The following PRKCE variants were observed in gnomAD, a reference collection of about 807,000 sequenced individuals.
PRKCE encodes the protein protein kinase C epsilon.
A neutral mutation model predicts 85.4 loss-of-function variants in PRKCE; 16 were observed. The observed-to-expected ratio is 0.19, with a 90% CI of 0.13 to 0.28. The LOEUF is 0.28. PRKCE is among the 10% of genes least tolerant of loss of function. PRKCE has a pLI of 1.00. For missense variants in PRKCE, 573 were observed against 975.2 expected (o/e 0.59, Z 5.49); for synonymous variants, 388 against 371.5 (o/e 1.04, Z -0.51).
intron 1 of PRKCE, among the ~76,000 whole-genome samples, chr2:45,717,671 T>G (rs1011096141): frequency 6.6e-6 from 1 of 152,242 alleles, no homozygotes; most frequent in African/African-American, 2.4e-5. Flanking sequence ...CCCGCCATAG[T>G]AGTCTGCAAG....
chr2:45,701,440 C>T (rs1414681458), intron 1 of PRKCE: 3 of 152,192 alleles, frequency 2.0e-5, no homozygotes, highest in South Asian at 2.1e-4. Context: ...ATCAGTTACC[C>T]TATGATGAGG....
At chr2:45,875,274 A>G (rs1209638292) in intron 2 of PRKCE, among the ~76,000 whole-genome samples, 2 of 152,240 alleles carry the variant, frequency 1.3e-5, no homozygotes, top group Non-Finnish European at 2.9e-5. Flanking sequence ...TTCAACCAGC[A>G]ATGTTAATGG....
chr2:45,832,313 C>CTTT lies in PRKCE; in HGVS notation c.349-10672_349-10670dup, dbSNP rs10692501. ...CATTGCTCTTGTGTCCAAGGAGCAA[C>CTTT]TTTTTTTTTTTTTTTTTGAGACAGA... On this transcript the variant is annotated intron_variant, in intron 1 of 14. Coordinates refer to ENST00000306156, the MANE Select transcript of PRKCE (RefSeq NM_005400.3). Among the ~76,000 whole-genome samples, 776 of 137,920 alleles carry CTTT rather than the reference C, an allele frequency of 5.6e-3. 18 individuals are homozygous for CTTT. Among genetic ancestry groups the CTTT allele is most frequent in the African/African-American group, 1.0e-2 (367 of 36,760 alleles). The allele number at this position is 137,920 out of a possible 152,430, so 90.5% of individuals were successfully genotyped here.
intron 3 of PRKCE, chr2:45,978,314 C>T (rs1180050103): frequency 1.3e-5 from 2 of 152,274 alleles, no homozygotes; most frequent in East Asian, 3.8e-4. Flanking sequence ...CTGGGAACTT[C>T]AGGGAGCTCC....
chr2:45,853,011 G>A (rs893657499), intron 2 of PRKCE, among the ~76,000 whole-genome samples: 6 of 152,270 alleles, frequency 3.9e-5, no homozygotes, highest in South Asian at 4.2e-4. Flanking sequence ...GAGATATTCC[G>A]CCTCTGAACC....
chr2:45,665,248 C>T (rs1385938045), intron 1 of PRKCE, among the ~76,000 whole-genome samples: 1 of 152,166 alleles, frequency 6.6e-6, no homozygotes, highest in Non-Finnish European at 1.5e-5. Context: ...TTCTTTGCAA[C>T]CATAGAAATC....
chr2:45,832,716 C>G (rs1573535508), intron 1 of PRKCE, among the ~76,000 whole-genome samples: 1 of 152,144 alleles, frequency 6.6e-6, no homozygotes, highest in South Asian at 2.1e-4. Flanking sequence ...GGCAGCCTGC[C>G]AGGCCTCAAG....
Position 46,068,702 on chromosome 2 carries a change from A to G in PRKCE, c.1438-17506A>G, listed in dbSNP as rs985351366. 6.6e-6 allele frequency among the ~76,000 whole-genome samples: 1 copy of G among 151,910 alleles called. No homozygotes were observed. Among genetic ancestry groups the G allele is most frequent in the African/African-American group, 2.4e-5 (1 of 41,368 alleles). On this transcript the variant is annotated intron_variant, in intron 10 of 14. Coordinates refer to ENST00000306156, the MANE Select transcript of PRKCE (RefSeq NM_005400.3). The surrounding 1 kb of genome is among the most constrained non-coding windows in gnomAD (Gnocchi z 4.3). ...GTCTTCATTTGCAAAGGCATCACCA[A>G]TGAGCAGGAGGATAGGAAATGCCTG...
intron 1 of PRKCE, among the ~76,000 whole-genome samples, chr2:45,677,412 A>T (rs534097465): frequency 3.5e-5 from 5 of 141,598 alleles, no homozygotes; most frequent in African/African-American, 1.3e-4. Flanking sequence ...TGCGGACTGC[A>T]GTGGCGCAAT....
rs1297010135 is a variant in PRKCE, at chr2:46,068,837, G to A, written c.1438-17371G>A. Reference sequence around the variant, plus strand: ...GATCAGCTCAAGTAGGGACTTGTGAGATACCAGATTGAAATTTAGATTACC... The same window carrying A: ...GATCAGCTCAAGTAGGGACTTGTGAAATACCAGATTGAAATTTAGATTACC... On this transcript the variant is annotated intron_variant, in intron 10 of 14. Transcript: ENST00000306156. This position sits in a 1 kb window ranked among gnomAD's most constrained non-coding sequence, Gnocchi z 4.3. Among the ~76,000 whole-genome samples the A allele has an allele frequency of 6.6e-6, 1 of 152,220 alleles. No homozygotes were observed. The highest frequency in any genetic ancestry group is 2.4e-5 in the African/African-American group (1 of 41,454).
chr2:45,941,919 C>G (rs1444773395), intron 2 of PRKCE, among the ~76,000 whole-genome samples: 1 of 152,170 alleles, frequency 6.6e-6, no homozygotes, highest in African/African-American at 2.4e-5. Context: ...AGTTTTACCT[C>G]TTCTACCCTG....
chr2:45,934,850 C>A (rs1573936112), intron 2 of PRKCE, among the ~76,000 whole-genome samples: 1 of 136,820 alleles, frequency 7.3e-6, no homozygotes, highest in East Asian at 2.1e-4. Flanking sequence ...GCCCAGGAGT[C>A]AAGACCAGCG....
At chr2:45,929,883 G>A (rs1156814309) in intron 2 of PRKCE, among the ~76,000 whole-genome samples, 13 of 152,194 alleles carry the variant, frequency 8.5e-5, no homozygotes. Context: ...TAGAACATGA[G>A]CACCTCGAGG....
intron 1 of PRKCE, among the ~76,000 whole-genome samples, chr2:45,666,299 T>C (rs1284751422): frequency 6.6e-6 from 1 of 152,044 alleles, no homozygotes; most frequent in South Asian, 2.1e-4. Flanking sequence ...GTGTATGAGT[T>C]GTGTGGGGAT....
At chr2:45,904,688 T>G (rs1464663828) in intron 2 of PRKCE, among the ~76,000 whole-genome samples, 1 of 152,158 alleles carries the variant, frequency 6.6e-6, no homozygotes, top group African/African-American at 2.4e-5. Context: ...AGAAAAAGAA[T>G]CAAACTAATC....
intron 13 of PRKCE, among the ~76,000 whole-genome samples, chr2:46,151,449 A>G (rs970147788): frequency 2.6e-5 from 4 of 152,184 alleles, no homozygotes; most frequent in Non-Finnish European, 5.9e-5. Flanking sequence ...CTGCCAAGAG[A>G]ATGGGGCCTG....
At chr2:45,779,218 A>G (rs544254469) in intron 1 of PRKCE, among the ~76,000 whole-genome samples, 4 of 152,212 alleles carry the variant, frequency 2.6e-5, no homozygotes, top group South Asian at 2.1e-4. Context: ...CGCTGTCCAG[A>G]CACAGTGGCA....
intron 10 of PRKCE, among the ~76,000 whole-genome samples, chr2:46,049,438 G>A (rs1021750029): frequency 2.6e-5 from 4 of 152,182 alleles, no homozygotes; most frequent in Non-Finnish European, 4.4e-5. Flanking sequence ...AACAGGAGAT[G>A]GGACAACCTA....
intron 6 of PRKCE, among the ~76,000 whole-genome samples, chr2:45,984,995 G>C (rs1169929401): frequency 6.6e-6 from 1 of 152,200 alleles, no homozygotes; most frequent in African/African-American, 2.4e-5. Flanking sequence ...CATTAGAGCA[G>C]AAGAAAAGTA....
Sources: allele counts gnomAD v4.1 joint callset (sites outside exome capture counted in the v4.1 genomes callset), GRCh38; gene constraint gnomAD v4.1.1; non-coding constraint Gnocchi (gnomAD v3.1); transcripts MANE v1.5; gene names NCBI Gene and HGNC (gene_info 2026-07-23, HGNC 2026-07-21).